KRT6B: variants seen among roughly 807,000 people sequenced by gnomAD.
The protein encoded by KRT6B is keratin 6B, also known as keratin, type II cytoskeletal 6B.
Under a neutral mutation model 44.7 loss-of-function variants are expected in KRT6B, and 29 were observed. The observed-to-expected ratio is 0.65, with a 90% confidence interval of 0.48 to 0.88. KRT6B has a LOEUF of 0.88. Among genes scored for constraint, KRT6B ranks in the 40% least tolerant of loss-of-function variants. KRT6B has a pLI of 0.00. For synonymous variants in KRT6B, 213 were observed against 296.0 expected (o/e 0.72, Z 2.88); for missense variants, 600 against 724.0 (o/e 0.83, Z 1.97).
Position 52,448,290 on chromosome 12 carries a change from C to A in KRT6B, c.1204-292G>T, listed in dbSNP as rs417915. Among the ~76,000 whole-genome samples the A allele has an allele frequency of 0.27, 40,900 of 152,068 alleles. 6,925 individuals carry two copies. Among genetic ancestry groups the A allele is most frequent in the East Asian group, 0.5 (2,582 of 5,152 alleles). On this transcript the variant is annotated intron_variant, in intron 6 of 8. Transcript: ENST00000252252. ...AGGACATTAAGTGTTGGCTCCAAAG[C>A]AAAAAAACCAAAACCATTTTTGATG...
rs1940389769 is a variant in KRT6B at position 52,450,691 on chromosome 12, T to C, written c.541-71A>G. ...AGAAAGTGTCTGGTATCCAGTTTCC[T>C]GGAGGTCTGGGAGGTCCCCATGGTG... On this transcript the variant is annotated intron_variant, in intron 1 of 8. Transcript: ENST00000252252. 5 of 1,609,646 alleles carry C rather than the reference T, an allele frequency of 3.1e-6. No homozygotes were observed. In the Admixed American group the frequency reaches 8.4e-5, roughly 27 times the overall value.
rs148044538 is a variant in KRT6B, at chr12:52,447,418, C to T, written c.1467G>A (p.Val489=). 1.6e-5 allele frequency: 26 copies of T among 1,613,930 alleles called. No homozygotes were observed. The highest frequency in any genetic ancestry group is 1.9e-5 in the Non-Finnish European group (23 of 1,179,962). Residue 489 remains valine, a synonymous_variant, in exon 9 of 9, where the codon GTG becomes GTA. Coordinates refer to ENST00000252252, the MANE Select transcript of KRT6B (RefSeq NM_005555.4). ...CATAGCCACTGGAGACGGTGGACTG[C>T]ACTACAGCTGTGGTGGGGAGGGGAC... is the stretch of plus-strand genomic sequence containing the variant. ...EGVGQVNISV[V]QSTVSSGYGG... is the part of the protein sequence containing the mutation.
At chr12:52,448,078 A>G (rs1940341991) in intron 6 of KRT6B, 80 bp from the exon 7 acceptor site, 1 of 1,582,264 alleles carries the variant, frequency 6.3e-7, no homozygotes, top group Non-Finnish European at 8.7e-7. Context: ...TTTTCCAGTG[A>G]AGAAGGCACC....
At chr12:52,447,646 C>T (rs1940332605) in intron 7 of KRT6B, 73 bp from the exon 8 acceptor site, 3 of 1,613,822 alleles carry the variant, frequency 1.9e-6, no homozygotes, top group Non-Finnish European at 2.5e-6. Context: ...GTGGGAAAGT[C>T]CATGGGAAAA....
rs1197045060 is a variant in KRT6B, at chr12:52,451,632, G to T, written c.447C>A (p.Asn149Lys). 6.2e-7 allele frequency: 1 copy of T among 1,612,962 alleles called. No individual in the cohort carries two copies. The highest frequency in any genetic ancestry group is 8.5e-7 in the Non-Finnish European group (1 of 1,180,024). ...GCTGGATGGCGGGGTCAATTTGCAGGTTGAGGGGAGTCAGGAGACTCTGGT... is the reference window on the plus strand; with the variant it reads ...GCTGGATGGCGGGGTCAATTTGCAGTTTGAGGGGAGTCAGGAGACTCTGGT... ...TVNQSLLTPL[N>K]LQIDPAIQRV... Residue 149 changes from asparagine to lysine, a missense_variant, in exon 1 of 9, where the codon AAC becomes AAA. Coordinates refer to ENST00000252252, the MANE Select transcript of KRT6B (RefSeq NM_005555.4).
chr12:52,447,225 T>A lies in KRT6B; in HGVS notation c.1660A>T (p.Thr554Ser). Reference sequence around the variant, plus strand: ...TAGCTCTTCCTGCTGGAGGAGGAGGTGGTGGTGTACTTGATGGTGGAACTG... The same window carrying A: ...TAGCTCTTCCTGCTGGAGGAGGAGGAGGTGGTGTACTTGATGGTGGAACTG... Reference protein sequence around the residue: ...GGSSTIKYTTTSSSSRKSYKH With the variant: ...GGSSTIKYTTSSSSSRKSYKH Residue 554 changes from threonine (T) to serine (S), a missense_variant, in exon 9 of 9, where the codon ACC becomes TCC. Around this residue, in one of 4 missense-constraint regions of KRT6B, gnomAD observed 479 missense variants for 454.2 expected, o/e 1.05. Coordinates refer to ENST00000252252, the MANE Select transcript of KRT6B (RefSeq NM_005555.4). The A allele has an allele frequency of 6.2e-7, 1 of 1,613,502 alleles. No homozygotes were observed. Among genetic ancestry groups the A allele is most frequent in the Non-Finnish European group, 8.5e-7 (1 of 1,179,836 alleles).
At position 52,452,055 on chromosome 12, in the gene KRT6B, G is replaced by A; in HGVS notation, c.24C>T (p.Ile8=). The part of the protein sequence containing the change: MASTSTT[I]RSHSSSRRGF... Reference sequence around the variant, plus strand: ...CCCGGCGGCTGCTGCTGTGGCTCCTGATGGTGGTGGATGTGCTGGCCATGG... The same window carrying A: ...CCCGGCGGCTGCTGCTGTGGCTCCTAATGGTGGTGGATGTGCTGGCCATGG... The change falls in exon 1 of 9, where the codon ATC becomes ATT. Residue 8 remains isoleucine, a synonymous_variant. Transcript: ENST00000252252. 1 of 1,614,182 alleles carries A rather than the reference G, an allele frequency of 6.2e-7. No individual in the cohort carries two copies. The highest frequency in any genetic ancestry group is 8.5e-7 in the Non-Finnish European group (1 of 1,180,034).
rs374251478 is a variant in KRT6B at position 52,448,815 on chromosome 12, T to A, written c.1203+27A>T. 3 of 1,614,038 alleles carry A rather than the reference T, an allele frequency of 1.9e-6. No individual in the cohort carries two copies. In the African/African-American group the frequency reaches 4.0e-5, roughly 22 times the overall value. On this transcript the variant is annotated intron_variant, in intron 6 of 8. Transcript: ENST00000252252. ...ATGACCTAATAAAAAAAATGATGCT[T>A]TTCTCCTCCATTGCCCCTCACCATA...
rs1297262634 is a variant in KRT6B at position 52,451,523 on chromosome 12, C to A, written c.540+16G>T. On this transcript the variant is annotated intron_variant, in intron 1 of 8. Coordinates refer to ENST00000252252, the MANE Select transcript of KRT6B (RefSeq NM_005555.4). ...GGACCCTGAAGTGCCCGATGGAGGG[C>A]ATGGCACTGGCTCACCTTGTCGATG... 6.2e-7 allele frequency: 1 copy of A among 1,613,554 alleles called. No homozygotes were observed. Among genetic ancestry groups the A allele is most frequent in the African/African-American group, 1.3e-5 (1 of 74,828 alleles).
intron 2 of KRT6B, 115 bp from the exon 3 acceptor site, chr12:52,450,187 C>G: frequency 6.3e-7 from 1 of 1,591,308 alleles, no homozygotes; most frequent in Non-Finnish European, 8.6e-7. Context: ...GCTTTCCTGC[C>G]ACAGAGAGCC....
At chr12:52,448,058 T>C in intron 6 of KRT6B, 60 bp from the exon 7 acceptor site, 1 of 1,609,570 alleles carries the variant, frequency 6.2e-7, no homozygotes, top group Non-Finnish European at 8.5e-7. Context: ...AGAATAAACC[T>C]GGCTGGTTCT....
At chr12:52,451,489 C>G (rs755898750) in intron 1 of KRT6B, 50 bp downstream of exon 1, 5 of 1,613,380 alleles carry the variant, frequency 3.1e-6, no homozygotes, top group Non-Finnish European at 4.2e-6. Context: ...TGTTGCTCTT[C>G]TGGTCTGGGG....
Position 52,447,797 on chromosome 12 carries a change from G to A in KRT6B, c.1405C>T (p.Leu469=). 6.2e-7 allele frequency: 1 copy of A among 1,614,194 alleles called. No homozygotes were observed. Among genetic ancestry groups the A allele is most frequent in the Non-Finnish European group, 8.5e-7 (1 of 1,180,032 alleles). Residue 469 remains leucine, a synonymous_variant, in exon 7 of 9, where the codon CTG becomes TTG. Transcript: ENST00000252252. The stretch of plus-strand genomic sequence containing the variant: ...ACCCACCTGCACTCCTCGCCCTCCA[G>A]CAGCTTGCGGTAGGTGGCGATCTCC... ...DVEIATYRKL[L]EGEECRLNGE... is the part of the protein sequence containing the mutation.
In KRT6B at chr12:52,447,433, G is replaced by A. The variant is rs746457511; in HGVS notation, c.1460-8C>T. 1.9e-6 allele frequency: 3 copies of A among 1,613,480 alleles called. No homozygotes were observed. The highest frequency in any genetic ancestry group is 2.2e-5 in the South Asian group (2 of 91,074). Reference sequence around the variant, plus strand: ...CGGTGGACTGCACTACAGCTGTGGTGGGGAGGGGACAAGGACACAAGAAGC... The same window carrying A: ...CGGTGGACTGCACTACAGCTGTGGTAGGGAGGGGACAAGGACACAAGAAGC... On this transcript the variant is annotated splice_region_variant and splice_polypyrimidine_tract_variant and intron_variant, in intron 8 of 8. Transcript: ENST00000252252.
intron 4 of KRT6B, 53 bp from the exon 5 acceptor site, chr12:52,449,686 G>T: frequency 6.2e-7 from 1 of 1,614,142 alleles, no homozygotes; most frequent in Non-Finnish European, 8.5e-7. Context: ...TTACAGAGAT[G>T]CCCAGCCCTG....
In KRT6B at chr12:52,447,792, C is replaced by T; in HGVS notation, c.1410G>A (p.Glu470=). The change falls in exon 7 of 9, where the codon GAG becomes GAA. Residue 470 remains glutamate, a synonymous_variant. Transcript: ENST00000252252. The part of the protein sequence containing the change: ...VEIATYRKLL[E]GEECRLNGEG... ...CAGTTACCCACCTGCACTCCTCGCC[C>T]TCCAGCAGCTTGCGGTAGGTGGCGA... 1 of 1,614,196 alleles carries T rather than the reference C, an allele frequency of 6.2e-7. No individual in the cohort carries two copies. The highest frequency in any genetic ancestry group is 1.1e-5 in the South Asian group (1 of 91,080).
intron 4 of KRT6B, 47 bp downstream of exon 4, chr12:52,449,711 T>G: frequency 6.2e-7 from 1 of 1,614,160 alleles, no homozygotes; most frequent in Non-Finnish European, 8.5e-7. Context: ...TCTTCTCCCC[T>G]TTGCAGACCC....
Position 52,448,853 on chromosome 12 carries a change from C to G in KRT6B, c.1192G>C (p.Val398Leu), listed in dbSNP as rs1940352445. 1 of 1,614,094 alleles carries G rather than the reference C, an allele frequency of 6.2e-7. No homozygotes were observed. Among genetic ancestry groups the G allele is most frequent in the East Asian group, 2.2e-5 (1 of 44,872 alleles). ...IQRLRSEIDH[V>L]KKQCANLQAA... ...GCCCCTCACCATACCTGCTTCTTGA[C>G]GTGGTCGATCTCAGATCTCAGCCTC... The change falls in exon 6 of 9, where the codon GTC (valine) becomes CTC (leucine). Residue 398 changes from valine (V) to leucine (L), a missense_variant. Physicochemically the swap from Val to Leu is conservative, Grantham distance 32. Around this residue, in one of 4 missense-constraint regions of KRT6B, gnomAD observed 479 missense variants for 454.2 expected, o/e 1.05. Coordinates refer to ENST00000252252, the MANE Select transcript of KRT6B (RefSeq NM_005555.4).
rs382894 is a variant in KRT6B at position 52,449,797 on chromosome 12, A to C, written c.873T>G (p.Leu291=). 2 of 1,603,948 alleles carry C rather than the reference A, an allele frequency of 1.2e-6. No homozygotes were observed. Among genetic ancestry groups the C allele is most frequent in the Non-Finnish European group, 1.7e-6 (2 of 1,173,464 alleles). The stretch of plus-strand genomic sequence containing the variant: ...CTCTCAGGAAGTTGATCTCATCTGT[A>C]AGAGTGTCTGCCTTGGCTTGCAGTT... ...KVELQAKADT[L]TDEINFLRAL... is the part of the protein sequence containing the mutation. The change falls in exon 4 of 9, where the codon CTT becomes CTG. Residue 291 remains leucine, a synonymous_variant. Transcript: ENST00000252252.
Sources: allele counts gnomAD v4.1 joint callset (sites outside exome capture counted in the v4.1 genomes callset), GRCh38; gene constraint gnomAD v4.1.1; regional missense constraint gnomAD v4.1.1; transcripts MANE v1.5; gene names NCBI Gene and HGNC (gene_info 2026-07-23, HGNC 2026-07-21).